The following VWA5A variants were observed in gnomAD, a reference collection of about 807,000 sequenced individuals.
The protein encoded by VWA5A is von Willebrand factor A domain-containing protein 5A.
In VWA5A, 77 loss-of-function variants were observed where a neutral mutation model predicts 84.6. That is an observed-to-expected ratio of 0.91 (90% CI 0.76 to 1.10). The LOEUF (loss-of-function observed/expected upper bound fraction) is 1.10, where lower values mean the gene tolerates loss of function less well. Among genes scored for constraint, VWA5A ranks in the 50% least tolerant of loss-of-function variants. The pLI is 0.00. For synonymous variants in VWA5A, 334 were observed against 350.1 expected (o/e 0.95, Z 0.51); for missense variants, 973 against 963.0 (o/e 1.01, Z -0.14).
In VWA5A at chr11:124,117,634, A is replaced by G. The variant is rs77102388; in HGVS notation, c.44-39A>G. 16,571 of 1,614,082 alleles carry G rather than the reference A, an allele frequency of 0.01. 1,439 individuals are homozygous for G. In the African/African-American group the frequency reaches 0.19, roughly 19 times the overall value. On this transcript the variant is annotated intron_variant, in intron 3 of 18. Transcript: ENST00000456829. ...GGCTTGATCTACAAGGAGGCAATCT[A>G]TTGAAGCTTGATGAACTTGAACTCT...
intron 17 of VWA5A, among the ~76,000 whole-genome samples, chr11:124,143,410 C>G (rs886636168): frequency 2.0e-5 from 3 of 152,102 alleles, no homozygotes; most frequent in African/African-American, 7.2e-5. Flanking sequence ...TTCCACTGTC[C>G]AATACAGTAT....
chr11:124,123,447 T>A lies in VWA5A; in HGVS notation c.1012T>A (p.Cys338Ser). ...TGGATTTGGCTCTTCCTATGAGGCA[T>A]GCTTTCCGTAAGTTTCTGGAAAGAC... ...IYGFGSSYEA[C>S]FPESVKYTQQ... is the part of the protein sequence containing the mutation. Residue 338 changes from cysteine (C) to serine (S), a missense_variant, in exon 9 of 19, where the codon TGC (cysteine) becomes AGC (serine). Transcript: ENST00000456829. 1 of 1,614,024 alleles carries A rather than the reference T, an allele frequency of 6.2e-7. No individual in the cohort carries two copies. Among genetic ancestry groups the A allele is most frequent in the African/African-American group, 1.3e-5 (1 of 75,050 alleles).
At position 124,136,585 on chromosome 11, in the gene VWA5A, A is replaced by G. The variant is rs144682724; in HGVS notation, c.1536A>G (p.Thr512=). 2 of 1,614,078 alleles carry G rather than the reference A, an allele frequency of 1.2e-6. No individual in the cohort carries two copies. Among genetic ancestry groups the G allele is most frequent in the Non-Finnish European group, 1.7e-6 (2 of 1,180,028 alleles). ...QLTGRMPAAE[T]TGEVCLKYTL... ...TCTCTAATTTGCAGGCAGCAGAGAC[A>G]ACAGGAGAAGTATGCCTCAAATATA... Residue 512 remains threonine (T), a synonymous_variant, in exon 14 of 19, where the codon ACA becomes ACG. Transcript: ENST00000456829.
In VWA5A at chr11:124,136,127, A is replaced by T; in HGVS notation, c.1360-2A>T. The T allele has an allele frequency of 1.2e-6, 2 of 1,613,420 alleles. No individual in the cohort carries two copies. Among genetic ancestry groups the T allele is most frequent in the Non-Finnish European group, 8.5e-7 (1 of 1,179,576 alleles). ...TTTATTCTGTTCTCTTCCCCACATT[A>T]GGCTCTCAGGACTCTGAAACGCTCT... On this transcript the variant is annotated splice_acceptor_variant, in intron 12 of 18. Coordinates refer to ENST00000456829, the MANE Select transcript of VWA5A (RefSeq NM_001130142.2). LOFTEE classifies it high-confidence loss of function.
At chr11:124,137,438 G>T (rs540282624) in intron 15 of VWA5A, among the ~76,000 whole-genome samples, 170 bp downstream of exon 15, 3 of 152,296 alleles carry the variant, frequency 2.0e-5, no homozygotes, top group African/African-American at 7.2e-5. Context: ...CAGGGAACTA[G>T]AATGCATCCC....
intron 11 of VWA5A, chr11:124,124,623 A>T: frequency 9.8e-7 from 1 of 1,017,582 alleles, no homozygotes. Context: ...TGAAAACTAC[A>T]CAAATTATAA....
rs763551541 is a variant in VWA5A, at chr11:124,141,604, G to T, written c.1886G>T (p.Arg629Leu). 6.2e-7 allele frequency: 1 copy of T among 1,613,982 alleles called. No individual in the cohort carries two copies. Among genetic ancestry groups the T allele is most frequent in the Admixed American group, 1.7e-5 (1 of 60,006 alleles). ...PLKIKCQSGF[R>L]KALHSDRPPS... is the part of the protein sequence containing the mutation. ...AATGTTTGGATTTTTTCAGGTTTTC[G>T]AAAGGCCTTACACTCTGACCGTCCT... Residue 629 changes from arginine (R) to leucine (L), a missense_variant, in exon 16 of 19, where the codon CGA becomes CTA. Physicochemically the swap from Arg to Leu is moderately radical, Grantham distance 102 (BLOSUM62 -2). Transcript: ENST00000456829.
intron 7 of VWA5A, among the ~76,000 whole-genome samples, chr11:124,120,522 A>T (rs1208717970): frequency 4.6e-5 from 7 of 152,144 alleles, no homozygotes; most frequent in Non-Finnish European, 1.0e-4. Context: ...CTCATTGTTA[A>T]TGTTTGCTTC....
intron 15 of VWA5A, among the ~76,000 whole-genome samples, chr11:124,140,853 G>A (rs948465747): frequency 1.3e-5 from 2 of 152,172 alleles, no homozygotes; most frequent in Admixed American, 6.5e-5. Context: ...CTCCTGAAGT[G>A]TTAGGATTAC....
chr11:124,130,516 C>T (rs555670651), intron 11 of VWA5A, among the ~76,000 whole-genome samples: 2 of 152,246 alleles, frequency 1.3e-5, no homozygotes, highest in Admixed American at 1.3e-4. Flanking sequence ...GAGCTGAGTT[C>T]AAGTCCTGAA....
In VWA5A at chr11:124,118,578, C is replaced by T. The variant is rs757656590; in HGVS notation, c.515C>T (p.Pro172Leu). 6.2e-7 allele frequency: 1 copy of T among 1,614,156 alleles called. No individual in the cohort carries two copies. Among genetic ancestry groups the T allele is most frequent in the Non-Finnish European group, 8.5e-7 (1 of 1,180,034 alleles). The change falls in exon 6 of 19, where the codon CCT (proline) becomes CTT (leucine). Residue 172 changes from proline (P) to leucine (L), a missense_variant. Coordinates refer to ENST00000456829, the MANE Select transcript of VWA5A (RefSeq NM_001130142.2). ...CTTAATGTGAAGACTCCTATAGTCC[C>T]TGTGGAGGACCTGCCCTACACACTC... is the stretch of plus-strand genomic sequence containing the variant. ...SCLNVKTPIV[P>L]VEDLPYTLSM...
rs57719245 is a variant in VWA5A, at chr11:124,123,138, A to T, written c.930+9A>T. The T allele has an allele frequency of 5.3e-5, 85 of 1,608,098 alleles. No homozygotes were observed. Among genetic ancestry groups the T allele is most frequent in the Non-Finnish European group, 7.0e-5 (83 of 1,178,282 alleles). On this transcript the variant is annotated intron_variant, in intron 8 of 18. Coordinates refer to ENST00000456829, the MANE Select transcript of VWA5A (RefSeq NM_001130142.2). ...GAATACAGGCAGCCAAGGTAAAGCTAGTTTCTTTCCTCTTCTGGGTCACAT... is the reference window on the plus strand; with the variant it reads ...GAATACAGGCAGCCAAGGTAAAGCTTGTTTCTTTCCTCTTCTGGGTCACAT...
At chr11:124,134,159 TTAC>T in intron 11 of VWA5A, among the ~76,000 whole-genome samples, 3 of 152,386 alleles carry the variant, frequency 2.0e-5, no homozygotes, top group East Asian at 3.9e-4. Context: ...GGAAGTATTG[TTAC>T]ACGTAGGTCC....
chr11:124,142,251 G>A (rs1336094348), intron 16 of VWA5A, among the ~76,000 whole-genome samples, 191 bp from the exon 17 acceptor site: 1 of 152,214 alleles, frequency 6.6e-6, no homozygotes, highest in African/African-American at 2.4e-5. Flanking sequence ...CCATCTGTGA[G>A]CCCCTGTTCC....
chr11:124,122,368 TA>T (rs1468670845), intron 7 of VWA5A, among the ~76,000 whole-genome samples: 1 of 152,212 alleles, frequency 6.6e-6, no homozygotes, highest in African/African-American at 2.4e-5. Flanking sequence ...ATGATGATAA[TA>T]GAATCCAACA....
intron 15 of VWA5A, among the ~76,000 whole-genome samples, chr11:124,137,804 C>T (rs913846061): frequency 2.0e-5 from 3 of 152,186 alleles, no homozygotes; most frequent in Admixed American, 1.3e-4. Context: ...CACTTACCTA[C>T]TTTCTATCTC....
In VWA5A at chr11:124,123,355, C is replaced by T. The variant is rs1170593092; in HGVS notation, c.931-11C>T. 1.2e-6 allele frequency: 2 copies of T among 1,612,220 alleles called. No individual in the cohort carries two copies. The highest frequency in any genetic ancestry group is 1.7e-5 in the Admixed American group (1 of 59,594). On this transcript the variant is annotated splice_polypyrimidine_tract_variant and intron_variant, in intron 8 of 18. Coordinates refer to ENST00000456829, the MANE Select transcript of VWA5A (RefSeq NM_001130142.2). Reference sequence around the variant, plus strand: ...CTCTCACTCTGTCTCTTCATACTCTCTTACCTTCAGGAAACACTGATTTTG... The same window carrying T: ...CTCTCACTCTGTCTCTTCATACTCTTTTACCTTCAGGAAACACTGATTTTG...
Position 124,118,224 on chromosome 11 carries a change from C to A in VWA5A, c.282C>A (p.Gly94=), listed in dbSNP as rs1565613777. 2 of 1,614,174 alleles carry A rather than the reference C, an allele frequency of 1.2e-6. No individual in the cohort carries two copies. The highest frequency in any genetic ancestry group is 1.7e-4 in the Middle Eastern group (1 of 6,054). Residue 94 remains glycine, a synonymous_variant, in exon 5 of 19, where the codon GGC becomes GGA. Transcript: ENST00000456829. ...RTNYEKAISQ[G]HQAFLLEGDS... ...ACTATGAGAAAGCCATCTCCCAGGG[C>A]CACCAGGCCTTCTTATTGGAGGGGG... is the stretch of plus-strand genomic sequence containing the variant.
chr11:124,129,401 T>G (rs1865064997), intron 11 of VWA5A, among the ~76,000 whole-genome samples: 1 of 152,234 alleles, frequency 6.6e-6, no homozygotes, highest in South Asian at 2.1e-4. Flanking sequence ...TTGAGGATTT[T>G]CACATCCATG....
Sources: gnomAD v4.1 joint callset for allele counts (sites outside exome capture counted in the v4.1 genomes callset) on GRCh38, gnomAD v4.1.1 for gene constraint, MANE v1.5 for transcripts, NCBI Gene and HGNC (gene_info 2026-07-23, HGNC 2026-07-21) for gene names.